The following GPR139 variants were observed in gnomAD, a reference collection of about 807,000 sequenced individuals.
GPR139 encodes the protein G protein-coupled receptor 139.
A neutral mutation model predicts 25.8 loss-of-function variants in GPR139; 12 were observed. That is an observed-to-expected ratio of 0.47 (90% CI 0.30 to 0.75). GPR139 has a LOEUF of 0.75. Ranked by LOEUF, GPR139 falls within the 30% of genes least tolerant of loss-of-function variation. The probability of loss-of-function intolerance (pLI) is 0.07; values close to 1 mark genes in which losing one functional copy is unlikely to be tolerated. For missense variants in GPR139, 380 were observed against 450.2 expected (o/e 0.84, Z 1.41); for synonymous variants, 184 against 179.9 (o/e 1.02, Z -0.18).
intron 1 of GPR139, among the ~76,000 whole-genome samples, chr16:20,052,129 C>T (rs72772735): frequency 0.082 from 12,463 of 152,258 alleles, 594 homozygotes; most frequent in Non-Finnish European, 0.11. Context: ...CACTCCAGCC[C>T]CTGGGCCTTT....
intron 1 of GPR139, among the ~76,000 whole-genome samples, chr16:20,051,072 A>AAAAAAAAAG (rs542691880): frequency 4.8e-4 from 70 of 145,620 alleles, no homozygotes; most frequent in South Asian, 1.7e-3. Context: ...CAAAAAAAAA[A>AAAAAAAAAG]AAAGAAAGAA....
intron 1 of GPR139, among the ~76,000 whole-genome samples, chr16:20,053,575 G>A (rs960413468): frequency 6.6e-6 from 1 of 152,270 alleles, no homozygotes; most frequent in African/African-American, 2.4e-5. Context: ...AGAATCCAGT[G>A]GATAACCTCA....
intron 1 of GPR139, among the ~76,000 whole-genome samples, chr16:20,038,419 C>A (rs2057318824): frequency 6.7e-6 from 1 of 148,958 alleles, no homozygotes; most frequent in East Asian, 2.0e-4. Context: ...CCAGCTGAAC[C>A]CTGTTTGAAG....
chr16:20,031,643 C>G lies in GPR139; in HGVS notation c.*92G>C. Reference sequence around the variant, plus strand: ...TGCGGGAGACAGGAAATCGGATTAGCACTCTTAAGGAGAGCTGCTCAGCCA... The same window carrying G: ...TGCGGGAGACAGGAAATCGGATTAGGACTCTTAAGGAGAGCTGCTCAGCCA... On this transcript the variant is annotated 3_prime_UTR_variant, in exon 2 of 2. Transcript: ENST00000570682. 1 of 942,316 alleles carries G rather than the reference C, an allele frequency of 1.1e-6. No individual in the cohort carries two copies. The highest frequency in any genetic ancestry group is 2.0e-5 in the Admixed American group (1 of 50,084). The allele number at this position is 942,316 out of a possible 1,614,324, so 58.4% of individuals were successfully genotyped here. A position where few individuals can be genotyped will look rare whatever the true frequency, so the allele number is the denominator to read the frequency against.
intron 1 of GPR139, among the ~76,000 whole-genome samples, chr16:20,041,062 C>G (rs888354042): frequency 6.8e-6 from 1 of 147,620 alleles, no homozygotes; most frequent in Non-Finnish European, 1.5e-5. Flanking sequence ...GTGAGCTGAG[C>G]TGGTTCCACT....
At chr16:20,062,316 A>G (rs150687439) in intron 1 of GPR139, among the ~76,000 whole-genome samples, 488 of 152,248 alleles carry the variant, frequency 3.2e-3, no homozygotes, top group African/African-American at 0.011. Context: ...GACTTTATAA[A>G]AGGGACTCCA....
intron 1 of GPR139, among the ~76,000 whole-genome samples, chr16:20,063,684 A>G (rs1313075488): frequency 4.6e-5 from 7 of 152,168 alleles, no homozygotes; most frequent in Non-Finnish European, 7.3e-5. Context: ...AACCAAAAAT[A>G]TCTAAGCAAT....
chr16:20,058,120 C>T (rs1391917482), intron 1 of GPR139, among the ~76,000 whole-genome samples: 1 of 152,160 alleles, frequency 6.6e-6, no homozygotes, highest in Non-Finnish European at 1.5e-5. Context: ...GCCAAGCACT[C>T]TATGTATATT....
chr16:20,041,056 G>A (rs2608172), intron 1 of GPR139, among the ~76,000 whole-genome samples: 19,636 of 146,748 alleles, frequency 0.13, 2,262 homozygotes, highest in African/African-American at 0.3. Flanking sequence ...GTTGCAGTGA[G>A]CTGAGCTGGT....
chr16:20,071,469 G>A (rs190243896), intron 1 of GPR139, among the ~76,000 whole-genome samples: 12 of 152,324 alleles, frequency 7.9e-5, no homozygotes, highest in African/African-American at 2.9e-4. Context: ...CTCAGAGACT[G>A]CATCCTAGGA....
rs2057280627 is a variant in GPR139, at chr16:20,029,744, TTGAG to T, written c.*1987_*1990del. Among the ~76,000 whole-genome samples the T allele has an allele frequency of 6.6e-6, 1 of 152,146 alleles. No homozygotes were observed. The highest frequency in any genetic ancestry group is 2.1e-4 in the South Asian group (1 of 4,824). Reference sequence around the variant, plus strand: ...AGTCAGACGACTTCCATGAACTTCTTTGAGTGGAAGCATCTTGATGCACCAGGGT... The same window carrying T: ...AGTCAGACGACTTCCATGAACTTCTTTGGAAGCATCTTGATGCACCAGGGT... On this transcript the variant is annotated 3_prime_UTR_variant, in exon 2 of 2. Transcript: ENST00000570682.
In GPR139 at chr16:20,031,832, G is replaced by C. The variant is rs1429688515; in HGVS notation, c.965C>G (p.Thr322Arg). Reference protein sequence around the residue: ...QFYTNHNFSITSSPWISPANS... With the variant: ...QFYTNHNFSIRSSPWISPANS... ...TGCCGGCGAGATCCAGGGGCTACTT[G>C]TTATGGAAAAGTTATGATTGGTGTA... is the stretch of plus-strand genomic sequence containing the variant. The change falls in exon 2 of 2, where the codon ACA becomes AGA. Residue 322 changes from threonine to arginine, a missense_variant. Physicochemically the swap from Thr to Arg is moderately conservative, Grantham distance 71. Transcript: ENST00000570682. 26 of 1,614,102 alleles carry C rather than the reference G, an allele frequency of 1.6e-5. No individual in the cohort carries two copies. The highest frequency in any genetic ancestry group is 2.2e-5 in the Non-Finnish European group (26 of 1,180,046).
chr16:20,038,327 A>ATGTGTGTGTG (rs1183749066), intron 1 of GPR139, among the ~76,000 whole-genome samples: 5 of 81,500 alleles, frequency 6.1e-5, no homozygotes, highest in African/African-American at 2.4e-4. Flanking sequence ...GATAATATAT[A>ATGTGTGTGTG]TATGTGTGTG....
rs890668532 is a variant in GPR139 at position 20,032,275 on chromosome 16, G to GTAGT, written c.518_521dup (p.Tyr174Ter). ...GGACGTGATGCACAGAGGTGCTGAT[G>GTAGT]TAGTCTTCAGTCCAGATGTTGGGCC... On this transcript the variant is annotated stop_gained and frameshift_variant, in exon 2 of 2. Transcript: ENST00000570682. LOFTEE classifies it high-confidence loss of function. 1 of 1,614,130 alleles carries GTAGT rather than the reference G, an allele frequency of 6.2e-7. No individual in the cohort carries two copies. Among genetic ancestry groups the GTAGT allele is most frequent in the Non-Finnish European group, 8.5e-7 (1 of 1,180,050 alleles).
chr16:20,044,150 A>G (rs1470487585), intron 1 of GPR139, among the ~76,000 whole-genome samples: 1 of 152,216 alleles, frequency 6.6e-6, no homozygotes, highest in Non-Finnish European at 1.5e-5. Context: ...TTAAGGACAC[A>G]TAACAATCAG....
intron 1 of GPR139, among the ~76,000 whole-genome samples, chr16:20,050,354 T>C (rs543920765): frequency 6.6e-6 from 1 of 152,262 alleles, no homozygotes; most frequent in South Asian, 2.1e-4. Flanking sequence ...CAGCATAGAA[T>C]AGAGGTCACA....
chr16:20,038,242 A>G (rs1320896484), intron 1 of GPR139, among the ~76,000 whole-genome samples: 1 of 151,970 alleles, frequency 6.6e-6, no homozygotes, highest in Non-Finnish European at 1.5e-5. Flanking sequence ...GGCAGGATGT[A>G]TAAATGGTGG....
chr16:20,062,262 A>T (rs2057416807), intron 1 of GPR139, among the ~76,000 whole-genome samples: 1 of 152,070 alleles, frequency 6.6e-6, no homozygotes, highest in Non-Finnish European at 1.5e-5. Flanking sequence ...GGTTTTTGGG[A>T]ATTGATTAGG....
At chr16:20,035,378 G>A (rs757758408) in intron 1 of GPR139, among the ~76,000 whole-genome samples, 8 of 152,326 alleles carry the variant, frequency 5.3e-5, no homozygotes, top group Non-Finnish European at 1.0e-4. Context: ...GAAAAATGGT[G>A]AGTATGTCCT....
Sources: allele counts gnomAD v4.1 joint callset (sites outside exome capture counted in the v4.1 genomes callset), GRCh38; gene constraint gnomAD v4.1.1; transcripts MANE v1.5; gene names NCBI Gene and HGNC (gene_info 2026-07-23, HGNC 2026-07-21).